Variants in ATP8B2 observed in about 807,000 individuals in gnomAD.
The protein encoded by ATP8B2 is phospholipid-transporting ATPase ID.
ATP8B2 carries 70 observed loss-of-function variants against 133.4 expected under a neutral mutation model. The observed-to-expected ratio is 0.52, with a 90% CI of 0.43 to 0.64. The LOEUF (loss-of-function observed/expected upper bound fraction) is 0.64. Among genes scored for constraint, ATP8B2 ranks in the 30% least tolerant of loss-of-function variants. The pLI is 0.00. For synonymous variants in ATP8B2, 517 were observed against 589.5 expected, an observed-to-expected ratio of 0.88 and a Z score of 1.78; for missense variants, 1,101 against 1,535.7, an observed-to-expected ratio of 0.72 and a Z score of 4.73.
intron 2 of ATP8B2, chr1:154,329,136 A>G (rs1206857992): frequency 1.7e-6 from 2 of 1,198,508 alleles, no homozygotes; most frequent in Non-Finnish European, 2.1e-6. Flanking sequence ...TCCAATCCCT[A>G]CATTCACTTG....
Position 154,342,976 on chromosome 1 carries a change from CGG to C in ATP8B2, c.1453+16_1453+17del. On this transcript the variant is annotated intron_variant, in intron 15 of 27. Transcript: ENST00000368489. The stretch of plus-strand genomic sequence containing the variant: ...AAAGAACGAAGGTGGGCCGAGGAGC[CGG>C]CTCGCACTCTCCTGACCTGACTCTG... 6.2e-7 allele frequency: 1 copy of C among 1,613,016 alleles called. No homozygotes were observed. The highest frequency in any genetic ancestry group is 2.2e-5 in the East Asian group (1 of 44,850).
At chr1:154,330,260 G>A (rs996374874) in intron 2 of ATP8B2, 136 bp from the exon 3 acceptor site, 7 of 690,966 alleles carry the variant, frequency 1.0e-5, no homozygotes, top group African/African-American at 7.2e-5. Flanking sequence ...CTGGAGGGAA[G>A]AATTTGATGA....
chr1:154,334,901 G>A lies in ATP8B2; in HGVS notation c.837+310G>A, dbSNP rs998171213. On this transcript the variant is annotated intron_variant, in intron 11 of 27. Transcript: ENST00000368489. The surrounding 1 kb of genome is among the most constrained non-coding windows in gnomAD (Gnocchi z 4.6). ...GTTTGCTTTTGCCAGGGACAAGGAG[G>A]CCTTCATGGGGATGGAGAGGGAATT... Among the ~76,000 whole-genome samples the A allele has an allele frequency of 6.6e-6, 1 of 152,152 alleles. No homozygotes were observed. The highest frequency in any genetic ancestry group is 1.5e-5 in the Non-Finnish European group (1 of 68,022).
chr1:154,327,823 C>A, intron 1 of ATP8B2: 1 of 1,613,912 alleles, frequency 6.2e-7, no homozygotes, highest in East Asian at 2.2e-5. Context: ...GAGCTGTTCC[C>A]CTTTTTTCAA....
rs1181812791 is a variant in ATP8B2 at position 154,328,974 on chromosome 1, C to T, written c.31+802C>T. On this transcript the variant is annotated intron_variant, in intron 2 of 27. Coordinates refer to ENST00000368489, the MANE Select transcript of ATP8B2 (RefSeq NM_001370597.1). This position sits in a 1 kb window ranked among gnomAD's most constrained non-coding sequence, Gnocchi z 4.6. ...CATATAGACGGTCTGCCCTCCCCCA[C>T]TCAAACCGGGATCATGACGGTCCCC... 3 of 1,303,990 alleles carry T rather than the reference C, an allele frequency of 2.3e-6. No homozygotes were observed. Among genetic ancestry groups the T allele is most frequent in the East Asian group, 1.1e-4 (2 of 18,012 alleles). 80.8% of individuals were successfully genotyped at this position (1,303,990 alleles called of 1,614,324 possible). A position where few individuals can be genotyped will look rare whatever the true frequency, so the allele number is the denominator to read the frequency against.
At position 154,345,598 on chromosome 1, in the gene ATP8B2, A is replaced by T. The variant is rs936094513; in HGVS notation, c.2694+53A>T. 1 of 1,508,140 alleles carries T rather than the reference A, an allele frequency of 6.6e-7. No homozygotes were observed. The highest frequency in any genetic ancestry group is 1.4e-5 in the African/African-American group (1 of 71,960). The allele number at this position is 1,508,140 out of a possible 1,614,324, so 93.4% of individuals were successfully genotyped here. A position where few individuals can be genotyped will look rare whatever the true frequency, so the allele number is the denominator to read the frequency against. ...TGCAAATCTGTAAACCTGAGGGCAG[A>T]GGTTCTGTCTTGTTTATCACTCAGT... is the stretch of plus-strand genomic sequence containing the variant. On this transcript the variant is annotated intron_variant, in intron 23 of 27. Coordinates refer to ENST00000368489, the MANE Select transcript of ATP8B2 (RefSeq NM_001370597.1). This position sits in a 1 kb window ranked among gnomAD's most constrained non-coding sequence, Gnocchi z 5.6.
In ATP8B2 at chr1:154,346,407, T is replaced by C. The variant is rs1251237610; in HGVS notation, c.2955T>C (p.Thr985=). The C allele has an allele frequency of 1.9e-6, 3 of 1,614,208 alleles. No individual in the cohort carries two copies. The highest frequency in any genetic ancestry group is 2.5e-6 in the Non-Finnish European group (3 of 1,180,036). ...CTGATGCCACCCGGGATGATGGCAC[T>C]CAGCTGGCTGACTACCAGTCCTTTG... is the stretch of plus-strand genomic sequence containing the variant. ...VFADATRDDG[T]QLADYQSFAV... The change falls in exon 25 of 28, where the codon ACT becomes ACC. Residue 985 remains threonine (T), a synonymous_variant. Transcript: ENST00000368489. This position sits in a 1 kb window ranked among gnomAD's most constrained non-coding sequence, Gnocchi z 4.5.
chr1:154,344,169 C>T lies in ATP8B2; in HGVS notation c.1950C>T (p.Asp650=). 4.3e-6 allele frequency: 7 copies of T among 1,614,236 alleles called. No individual in the cohort carries two copies. Among genetic ancestry groups the T allele is most frequent in the Non-Finnish European group, 5.9e-6 (7 of 1,180,038 alleles). The stretch of plus-strand genomic sequence containing the variant: ...TGCTGGGTGCAACGGCCATTGAGGA[C>T]AAACTTCAGCAAGGGGTTCCAGAGA... ...MMLLGATAIE[D]KLQQGVPETI... is the part of the protein sequence containing the mutation. Residue 650 remains aspartate, a synonymous_variant, in exon 19 of 28, where the codon GAC becomes GAT. Transcript: ENST00000368489. The surrounding 1 kb of genome is among the most constrained non-coding windows in gnomAD (Gnocchi z 4.1).
Position 154,342,890 on chromosome 1 carries a change from A to T in ATP8B2, c.1382A>T (p.Asp461Val), listed in dbSNP as rs1351257327. Reference protein sequence around the residue: ...PSLLEAVKIGDPHTHEFFRLL... With the variant: ...PSLLEAVKIGVPHTHEFFRLL... Reference sequence around the variant, plus strand: ...CTGCTGGAGGCTGTCAAGATCGGGGACCCCCACACGCATGAGTTCTTCCGC... The same window carrying T: ...CTGCTGGAGGCTGTCAAGATCGGGGTCCCCCACACGCATGAGTTCTTCCGC... The change falls in exon 15 of 28, where the codon GAC becomes GTC. Residue 461 changes from aspartate (D) to valine (V), a missense_variant. Physicochemically the swap from Asp to Val is radical, Grantham distance 152. Transcript: ENST00000368489. 9 of 1,613,914 alleles carry T rather than the reference A, an allele frequency of 5.6e-6. No homozygotes were observed. The highest frequency in any genetic ancestry group is 1.1e-5 in the South Asian group (1 of 91,054).
intron 2 of ATP8B2, chr1:154,329,113 A>G: frequency 8.1e-7 from 1 of 1,227,310 alleles, no homozygotes; most frequent in Non-Finnish European, 1.0e-6. Flanking sequence ...TCCCGCACCC[A>G]TTATTTCCCC....
At chr1:154,339,105 A>G (rs1436028923) in intron 12 of ATP8B2, among the ~76,000 whole-genome samples, 1 of 152,232 alleles carries the variant, frequency 6.6e-6, no homozygotes, top group Non-Finnish European at 1.5e-5. Flanking sequence ...CCTGTCTCCC[A>G]TCTTTTGTTC....
chr1:154,347,286 C>A (rs1358601195), intron 26 of ATP8B2, among the ~76,000 whole-genome samples: 4 of 152,180 alleles, frequency 2.6e-5, no homozygotes, highest in African/African-American at 4.8e-5. Context: ...TAAAGGCCTT[C>A]AGCCCTGGCC....
rs756902645 is a variant in ATP8B2 at position 154,344,090 on chromosome 1, C to T, written c.1923+33C>T. 18 of 1,614,002 alleles carry T rather than the reference C, an allele frequency of 1.1e-5. No homozygotes were observed. The highest frequency in any genetic ancestry group is 1.0e-4 in the Admixed American group (6 of 59,998). On this transcript the variant is annotated intron_variant, in intron 18 of 27. Transcript: ENST00000368489. The surrounding 1 kb of genome is among the most constrained non-coding windows in gnomAD (Gnocchi z 4.1). Reference sequence around the variant, plus strand: ...CTGCGGGACGGGCCAAGGATGGGCACGGAGGGCTCATGCCTGCAATTCTTG... The same window carrying T: ...CTGCGGGACGGGCCAAGGATGGGCATGGAGGGCTCATGCCTGCAATTCTTG...
At position 154,343,544 on chromosome 1, in the gene ATP8B2, C is replaced by T. The variant is rs763555281; in HGVS notation, c.1734C>T (p.Leu578=). 2 of 1,614,118 alleles carry T rather than the reference C, an allele frequency of 1.2e-6. No homozygotes were observed. The highest frequency in any genetic ancestry group is 1.7e-6 in the Non-Finnish European group (2 of 1,180,016). ...TGCACCACTCCACTCAAGAGCTGCT[C>T]AACACCACCATGGACCACCTTAATG... ...DRLHHSTQEL[L]NTTMDHLNEY... Residue 578 remains leucine (L), a synonymous_variant, in exon 17 of 28, where the codon CTC becomes CTT. Transcript: ENST00000368489. The surrounding 1 kb of genome is among the most constrained non-coding windows in gnomAD (Gnocchi z 5.8).
rs1421743712 is a variant in ATP8B2 at position 154,340,119 on chromosome 1, A to G, written c.1035-735A>G. Among the ~76,000 whole-genome samples the G allele has an allele frequency of 2.0e-5, 3 of 152,098 alleles. No individual in the cohort carries two copies. The highest frequency in any genetic ancestry group is 2.0e-4 in the Admixed American group (3 of 15,268). ...TGCTTGAGCCCAGGAGTTTGAGGCT[A>G]CAGTGAGCTATGATTACACTACTGC... On this transcript the variant is annotated intron_variant, in intron 12 of 27. Coordinates refer to ENST00000368489, the MANE Select transcript of ATP8B2 (RefSeq NM_001370597.1). This position sits in a 1 kb window ranked among gnomAD's most constrained non-coding sequence, Gnocchi z 4.0.
chr1:154,342,713 A>T (rs1423381852), intron 14 of ATP8B2, 83 bp from the exon 15 acceptor site: 4 of 1,529,028 alleles, frequency 2.6e-6, no homozygotes, highest in Non-Finnish European at 2.7e-6. Context: ...GCCTACTGAG[A>T]GTTGGGAGGG....
intron 1 of ATP8B2, among the ~76,000 whole-genome samples, chr1:154,327,085 G>A (rs1685814211): frequency 6.6e-6 from 1 of 152,238 alleles, no homozygotes; most frequent in South Asian, 2.1e-4. Flanking sequence ...GTGGGTGACT[G>A]GGTTGTGGCC....
rs950664598 is a variant in ATP8B2 at position 154,346,843 on chromosome 1, A to C, written c.3163+85A>C. On this transcript the variant is annotated intron_variant, in intron 26 of 27. Coordinates refer to ENST00000368489, the MANE Select transcript of ATP8B2 (RefSeq NM_001370597.1). The surrounding 1 kb of genome is among the most constrained non-coding windows in gnomAD (Gnocchi z 4.5). Reference sequence around the variant, plus strand: ...GACCATCAGCTAATCTGCACATTCAACATTTCTTATGTGCCAAGTATTCTG... The same window carrying C: ...GACCATCAGCTAATCTGCACATTCACCATTTCTTATGTGCCAAGTATTCTG... The C allele has an allele frequency of 1.9e-5, 27 of 1,436,646 alleles. No homozygotes were observed. Among genetic ancestry groups the C allele is most frequent in the Non-Finnish European group, 2.6e-5 (27 of 1,050,496 alleles). The allele number at this position is 1,436,646 out of a possible 1,614,324, so 89.0% of individuals were successfully genotyped here.
In ATP8B2 at chr1:154,344,967, C is replaced by A; in HGVS notation, c.2287-4C>A. 2 of 1,609,232 alleles carry A rather than the reference C, an allele frequency of 1.2e-6. No homozygotes were observed. The highest frequency in any genetic ancestry group is 2.2e-5 in the South Asian group (2 of 90,410). On this transcript the variant is annotated splice_region_variant and splice_polypyrimidine_tract_variant and intron_variant, in intron 21 of 27. Transcript: ENST00000368489. The surrounding 1 kb of genome is among the most constrained non-coding windows in gnomAD (Gnocchi z 4.1). ...TGGCTCTCTCAGGTTTCTCTGTGCT[C>A]CAGGCCCACGCACTGGAGGCAGACA...
Sources: allele counts gnomAD v4.1 joint callset (sites outside exome capture counted in the v4.1 genomes callset), GRCh38; gene constraint gnomAD v4.1.1; non-coding constraint Gnocchi (gnomAD v3.1); transcripts MANE v1.5; gene names NCBI Gene and HGNC (gene_info 2026-07-23, HGNC 2026-07-21).